Variants in ATP8A2 observed in about 807,000 individuals in gnomAD.
The protein encoded by ATP8A2 is ATPase phospholipid transporting 8A2, also known as phospholipid-transporting ATPase IB.
A neutral mutation model predicts 165.6 loss-of-function variants in ATP8A2; 100 were observed. The observed-to-expected ratio is 0.60, with a 90% CI of 0.51 to 0.71. ATP8A2 has a LOEUF of 0.71. Ranked by LOEUF, ATP8A2 falls within the 30% of genes least tolerant of loss-of-function variation. ATP8A2 has a pLI of 0.00. For missense variants in ATP8A2, 1,227 were observed against 1,479.5 expected (o/e 0.83, Z 2.80); for synonymous variants, 543 against 548.8 (o/e 0.99, Z 0.15).
At chr13:25,545,102 TGAG>T (rs1241893353) in intron 10 of ATP8A2, among the ~76,000 whole-genome samples, 1 of 151,564 alleles carries the variant, frequency 6.6e-6, no homozygotes, top group Non-Finnish European at 1.5e-5. Context: ...AGAGAGCTCT[TGAG>T]GGAGTGGGAG....
chr13:25,479,439 G>T (rs1281680497), intron 2 of ATP8A2, among the ~76,000 whole-genome samples: 2 of 152,054 alleles, frequency 1.3e-5, no homozygotes, highest in Non-Finnish European at 2.9e-5. Context: ...TCTTGTAATT[G>T]CATTATTAAT....
intron 34 of ATP8A2, among the ~76,000 whole-genome samples, chr13:25,966,105 G>C (rs1955771294): frequency 1.3e-5 from 2 of 151,218 alleles, no homozygotes; most frequent in African/African-American, 4.9e-5. Context: ...TGAGAACCTG[G>C]AGACACCCTT....
intron 10 of ATP8A2, among the ~76,000 whole-genome samples, chr13:25,549,635 T>C (rs2038758812): frequency 6.6e-6 from 1 of 152,070 alleles, no homozygotes; most frequent in Non-Finnish European, 1.5e-5. Context: ...CTTCAGTGTC[T>C]CCTTCCCCAA....
chr13:25,749,362 G>A (rs1329550601), intron 25 of ATP8A2, among the ~76,000 whole-genome samples: 1 of 152,202 alleles, frequency 6.6e-6, no homozygotes, highest in Admixed American at 6.5e-5. Context: ...AGAAGCATCA[G>A]AGGACCCCGC....
rs2038849944 is a variant in ATP8A2 at position 25,552,312 on chromosome 13, AC to A, written c.1057+810del. Among the ~76,000 whole-genome samples, 16 of 152,130 alleles carry A rather than the reference AC, an allele frequency of 1.1e-4. No individual in the cohort carries two copies. In the South Asian group the frequency reaches 3.1e-3, roughly 30 times the overall value. On this transcript the variant is annotated intron_variant, in intron 11 of 36. Transcript: ENST00000381655. ...AGGGTTGTTTTATATTAACATATTTACTTACCATTTCCAGGTCTCGCTCTTC... is the reference window on the plus strand; with the variant it reads ...AGGGTTGTTTTATATTAACATATTTATTACCATTTCCAGGTCTCGCTCTTC...
intron 33 of ATP8A2, among the ~76,000 whole-genome samples, chr13:25,905,519 C>T (rs945422304): frequency 2.6e-5 from 4 of 152,138 alleles, no homozygotes; most frequent in South Asian, 4.1e-4. Context: ...CCTGGTATCC[C>T]GTGCTATCCC....
At chr13:25,576,191 T>C (rs550177798) in intron 19 of ATP8A2, among the ~76,000 whole-genome samples, 1 of 152,188 alleles carries the variant, frequency 6.6e-6, no homozygotes, top group South Asian at 2.1e-4. Context: ...CACTATAGGT[T>C]AGGATGTGGG....
At chr13:25,520,880 T>C (rs2037649902) in intron 2 of ATP8A2, among the ~76,000 whole-genome samples, 1 of 152,158 alleles carries the variant, frequency 6.6e-6, no homozygotes, top group Non-Finnish European at 1.5e-5. Context: ...TCCCAAAGTG[T>C]TGGGATTACA....
At chr13:25,732,936 C>T (rs1566087341) in intron 25 of ATP8A2, among the ~76,000 whole-genome samples, 1 of 151,954 alleles carries the variant, frequency 6.6e-6, no homozygotes, top group Non-Finnish European at 1.5e-5. Flanking sequence ...TGTTTCCACC[C>T]AAAATGTAGA....
At chr13:25,516,783 CTTTT>C (rs770018909) in intron 2 of ATP8A2, among the ~76,000 whole-genome samples, 1 of 135,888 alleles carries the variant, frequency 7.4e-6, no homozygotes, top group South Asian at 2.3e-4. Context: ...TTCTTTCTTA[CTTTT>C]TTTTTTTTTT....
At chr13:25,743,830 T>C (rs2043968847) in intron 25 of ATP8A2, among the ~76,000 whole-genome samples, 1 of 152,204 alleles carries the variant, frequency 6.6e-6, no homozygotes, top group Admixed American at 6.5e-5. Flanking sequence ...AAAACCTATA[T>C]TGATGAATGA....
At chr13:25,428,920 C>T (rs1286094692) in intron 1 of ATP8A2, among the ~76,000 whole-genome samples, 1 of 152,166 alleles carries the variant, frequency 6.6e-6, no homozygotes, top group Admixed American at 6.5e-5. Flanking sequence ...AGTAAGAGCT[C>T]ACAGCACGAC....
chr13:25,711,802 T>A (rs3132340), intron 25 of ATP8A2, among the ~76,000 whole-genome samples: 36,829 of 152,062 alleles, frequency 0.24, 6,694 homozygotes, highest in African/African-American at 0.51. Context: ...AATCTGTAAT[T>A]CTTAGTGACT....
intron 27 of ATP8A2, among the ~76,000 whole-genome samples, chr13:25,813,554 T>G (rs760928825): frequency 2.0e-5 from 3 of 152,140 alleles, no homozygotes; most frequent in Non-Finnish European, 4.4e-5. Context: ...TGATAGGATA[T>G]GATGATACGA....
At chr13:25,540,452 T>G (rs2038436711) in intron 8 of ATP8A2, 64 bp downstream of exon 8, 2 of 1,144,222 alleles carry the variant, frequency 1.7e-6, no homozygotes, top group African/African-American at 3.1e-5. Context: ...GGTCCCCACA[T>G]ATCTTTTTCT....
In ATP8A2 at chr13:25,526,018, A is replaced by G. The variant is rs34769640; in HGVS notation, c.222-3981A>G. Among the ~76,000 whole-genome samples, 1,028 of 150,908 alleles carry G rather than the reference A, an allele frequency of 6.8e-3. 4 individuals are homozygous for G. The highest frequency in any genetic ancestry group is 0.011 in the Non-Finnish European group (712 of 67,726). On this transcript the variant is annotated intron_variant, in intron 2 of 36. Coordinates refer to ENST00000381655, the MANE Select transcript of ATP8A2 (RefSeq NM_016529.6). ...TTTTATTCTTTTTTCTTCTCTGTGT[A>G]TTTTCAAATTGCCTGTCTTTGAGCT... is the stretch of plus-strand genomic sequence containing the variant.
intron 27 of ATP8A2, among the ~76,000 whole-genome samples, chr13:25,782,298 T>C (rs2044900656): frequency 6.6e-6 from 1 of 152,266 alleles, no homozygotes; most frequent in East Asian, 1.9e-4. Context: ...GGTGTTAAAA[T>C]GTTAATAAGT....
chr13:25,767,765 C>G (rs553927505), intron 25 of ATP8A2, among the ~76,000 whole-genome samples: 97 of 152,318 alleles, frequency 6.4e-4, no homozygotes, highest in Non-Finnish European at 1.1e-3. Flanking sequence ...GTTTTTCTAA[C>G]TTTCTAATTT....
intron 25 of ATP8A2, among the ~76,000 whole-genome samples, chr13:25,757,043 G>A (rs1222581915): frequency 1.3e-5 from 2 of 152,054 alleles, no homozygotes; most frequent in East Asian, 1.9e-4. Flanking sequence ...CATTGCCAAC[G>A]CCTGAGTTCT....
Sources: allele counts gnomAD v4.1 joint callset (sites outside exome capture counted in the v4.1 genomes callset), GRCh38; gene constraint gnomAD v4.1.1; transcripts MANE v1.5; gene names NCBI Gene and HGNC (gene_info 2026-07-23, HGNC 2026-07-21).